Variants in APCDD1 observed in about 807,000 individuals in gnomAD.
APCDD1 encodes protein APCDD1.
A neutral mutation model predicts 38.1 loss-of-function variants in APCDD1; 15 were observed. The observed-to-expected ratio is 0.39, with a 90% CI of 0.26 to 0.61. APCDD1 has a LOEUF of 0.61. Ranked by LOEUF, APCDD1 falls within the 20% of genes least tolerant of loss-of-function variation. The pLI, the probability that APCDD1 is intolerant of heterozygous loss-of-function variation, is 0.49. For synonymous variants in APCDD1, 261 were observed against 279.7 expected (o/e 0.93, Z 0.67); for missense variants, 647 against 696.2 (o/e 0.93, Z 0.79).
Position 10,487,961 on chromosome 18 carries a change from G to C in APCDD1, c.1468G>C (p.Gly490Arg), listed in dbSNP as rs1222498914. Residue 490 changes from glycine to arginine, a missense_variant, in exon 5 of 5, where the codon GGG (glycine) becomes CGG (arginine). By Grantham distance (125) the Gly-to-Arg change is moderately radical. Transcript: ENST00000355285. ...SGSSLYGRAP[G>R]RHTWSLLLAA... ...AAGCAGCCTGTATGGCCGGGCCCCT[G>C]GGAGGCACACCTGGTCCCTGCTGCT... 1 of 1,613,856 alleles carries C rather than the reference G, an allele frequency of 6.2e-7. No homozygotes were observed.
At position 10,485,522 on chromosome 18, in the gene APCDD1, C is replaced by T; in HGVS notation, c.835C>T (p.Pro279Ser). ...IIYRSDEHHP[P>S]ILPPKADLTI... ...CTATCGGTCAGACGAGCACCACCCT[C>T]CCATCCTGCCCCCAAAGGCAGACCT... The change falls in exon 4 of 5, where the codon CCC (proline) becomes TCC (serine). Residue 279 changes from proline (P) to serine (S), a missense_variant. By Grantham distance (74) the Pro-to-Ser change is moderately conservative. Coordinates refer to ENST00000355285, the MANE Select transcript of APCDD1 (RefSeq NM_153000.5). The surrounding 1 kb of genome is among the most constrained non-coding windows in gnomAD (Gnocchi z 5.8). 1 of 1,614,176 alleles carries T rather than the reference C, an allele frequency of 6.2e-7. No individual in the cohort carries two copies. The highest frequency in any genetic ancestry group is 2.2e-5 in the East Asian group (1 of 44,872).
rs2143568257 is a variant in APCDD1, at chr18:10,487,804, G to C, written c.1311G>C (p.Leu437=). The C allele has an allele frequency of 6.2e-7, 1 of 1,614,118 alleles. No homozygotes were observed. Among genetic ancestry groups the C allele is most frequent in the Non-Finnish European group, 8.5e-7 (1 of 1,180,040 alleles). Residue 437 remains leucine (L), a synonymous_variant, in exon 5 of 5, where the codon CTG becomes CTC. Transcript: ENST00000355285. ...AGGATGCCCGGGGGCGCTATCTGCTGTTCAACGGTCAGAGGCCCAGCGACG... is the reference window on the plus strand; with the variant it reads ...AGGATGCCCGGGGGCGCTATCTGCTCTTCAACGGTCAGAGGCCCAGCGACG... ...MEQDARGRYL[L]FNGQRPSDGS... is the part of the protein sequence containing the mutation.
chr18:10,456,362 G>C (rs1188698585), intron 1 of APCDD1, among the ~76,000 whole-genome samples: 1 of 152,100 alleles, frequency 6.6e-6, no homozygotes, highest in Non-Finnish European at 1.5e-5. Context: ...TTTAATCTTT[G>C]GCTGAAACAT....
At chr18:10,458,548 A>G (rs1272992047) in intron 1 of APCDD1, among the ~76,000 whole-genome samples, 7 of 152,228 alleles carry the variant, frequency 4.6e-5, no homozygotes, top group Non-Finnish European at 7.3e-5. Context: ...AACAGGGGCA[A>G]GGGTCTCAGA....
rs515248 is a variant in APCDD1 at position 10,470,984 on chromosome 18, A to G, written c.243-546A>G. Among the ~76,000 whole-genome samples the G allele has an allele frequency of 0.57, 86,451 of 152,158 alleles. 25,244 individuals carry two copies. Among genetic ancestry groups the G allele is most frequent in the East Asian group, 0.71 (3,657 of 5,186 alleles). ...TTCTGAATGGACAAGAAGATGCTAG[A>G]TGACTAGATTCTGTCTCAGGATGAC... On this transcript the variant is annotated intron_variant, in intron 2 of 4. Coordinates refer to ENST00000355285, the MANE Select transcript of APCDD1 (RefSeq NM_153000.5). The surrounding 1 kb of genome is among the most constrained non-coding windows in gnomAD (Gnocchi z 4.1).
intron 1 of APCDD1, among the ~76,000 whole-genome samples, chr18:10,459,409 C>A (rs1434450162): frequency 6.6e-6 from 1 of 152,174 alleles, no homozygotes; most frequent in East Asian, 1.9e-4. Context: ...AACTTTGCAA[C>A]CTCTGGTTCA....
At position 10,472,599 on chromosome 18, in the gene APCDD1, G is replaced by C. The variant is rs540815981; in HGVS notation, c.774+538G>C. Reference sequence around the variant, plus strand: ...ACACTCTTAGGCAGAACAGCCTGCTGAGGTCCCAGGGGTTATGGCTCCTGC... The same window carrying C: ...ACACTCTTAGGCAGAACAGCCTGCTCAGGTCCCAGGGGTTATGGCTCCTGC... On this transcript the variant is annotated intron_variant, in intron 3 of 4. Transcript: ENST00000355285. The surrounding 1 kb of genome is among the most constrained non-coding windows in gnomAD (Gnocchi z 6.6). Among the ~76,000 whole-genome samples, 14 of 152,278 alleles carry C rather than the reference G, an allele frequency of 9.2e-5. No homozygotes were observed. Among genetic ancestry groups the C allele is most frequent in the Non-Finnish European group, 1.6e-4 (11 of 68,024 alleles).
chr18:10,484,385 T>G (rs2031204112), intron 3 of APCDD1, among the ~76,000 whole-genome samples: 1 of 152,242 alleles, frequency 6.6e-6, no homozygotes, highest in Non-Finnish European at 1.5e-5. Flanking sequence ...TTATTTTTCT[T>G]TGTGTCTCCT....
chr18:10,468,691 A>G (rs1265795609), intron 2 of APCDD1, 39 bp downstream of exon 2: 2 of 1,603,024 alleles, frequency 1.2e-6, no homozygotes, highest in Non-Finnish European at 1.7e-6. Flanking sequence ...GCCAGAGAGC[A>G]CACCACTATG....
In APCDD1 at chr18:10,488,537, TAAAGA is replaced by T. The variant is rs1337390191; in HGVS notation, c.*501_*505del. ...CTGTGATCAAGACACCTTTTATTAA[TAAAGA>T]AGAGACACAGGTGTAGATATGTATA... On this transcript the variant is annotated 3_prime_UTR_variant, in exon 5 of 5. Transcript: ENST00000355285. The T allele has an allele frequency of 6.3e-6, 1 of 158,576 alleles. No homozygotes were observed. Among genetic ancestry groups the T allele is most frequent in the African/African-American group, 2.4e-5 (1 of 41,522 alleles). 9.8% of individuals were successfully genotyped at this position (158,576 alleles called of 1,614,324 possible).
chr18:10,456,974 CAT>C (rs1442209291), intron 1 of APCDD1, among the ~76,000 whole-genome samples: 2 of 152,078 alleles, frequency 1.3e-5, no homozygotes, highest in African/African-American at 2.4e-5. Context: ...TGTGTGTACA[CAT>C]ATGTGCATAT....
Position 10,454,735 on chromosome 18 carries a change from G to T in APCDD1, c.-247G>T. The T allele has an allele frequency of 4.1e-6, 4 of 981,798 alleles. No individual in the cohort carries two copies. The highest frequency in any genetic ancestry group is 4.8e-6 in the Non-Finnish European group (4 of 828,710). 60.8% of individuals were successfully genotyped at this position (981,798 alleles called of 1,614,324 possible). ...CGCGGGGCCGGGCGCGGAGAAGTCG[G>T]GGCGGGCGGCAGAGAGGCCGGGACG... is the stretch of plus-strand genomic sequence containing the variant. On this transcript the variant is annotated 5_prime_UTR_variant, in exon 1 of 5. Coordinates refer to ENST00000355285, the MANE Select transcript of APCDD1 (RefSeq NM_153000.5).
rs2030819683 is a variant in APCDD1, at chr18:10,470,292, A to G, written c.243-1238A>G. ...TCATCTAACATGAATCACTGCTTAC[A>G]CTAAACTTCTCTTTCCTTGTGGGAG... On this transcript the variant is annotated intron_variant, in intron 2 of 4. Transcript: ENST00000355285. The surrounding 1 kb of genome is among the most constrained non-coding windows in gnomAD (Gnocchi z 4.1). 6.6e-6 allele frequency among the ~76,000 whole-genome samples: 1 copy of G among 152,182 alleles called. No homozygotes were observed. The highest frequency in any genetic ancestry group is 1.5e-5 in the Non-Finnish European group (1 of 68,012).
At position 10,470,110 on chromosome 18, in the gene APCDD1, G is replaced by A. The variant is rs999228188; in HGVS notation, c.243-1420G>A. On this transcript the variant is annotated intron_variant, in intron 2 of 4. Transcript: ENST00000355285. The surrounding 1 kb of genome is among the most constrained non-coding windows in gnomAD (Gnocchi z 4.1). ...GACCAGTTAAAAGACCTTTGCAGCC[G>A]TTCTGGTTAGAGAGCACAGAGGCTT... Among the ~76,000 whole-genome samples, 9 of 152,204 alleles carry A rather than the reference G, an allele frequency of 5.9e-5. No individual in the cohort carries two copies. The highest frequency in any genetic ancestry group is 2.2e-4 in the African/African-American group (9 of 41,452).
intron 1 of APCDD1, among the ~76,000 whole-genome samples, chr18:10,460,488 G>C (rs941783161): frequency 1.3e-5 from 2 of 150,944 alleles, no homozygotes; most frequent in African/African-American, 4.9e-5. Flanking sequence ...AGCCGAGATC[G>C]TGCCACTGCC....
intron 1 of APCDD1, among the ~76,000 whole-genome samples, chr18:10,455,510 C>A (rs540131182): frequency 6.6e-6 from 1 of 152,204 alleles, no homozygotes; most frequent in African/African-American, 2.4e-5. Context: ...GGGAAAGACA[C>A]GTCTGTCTGC....
intron 1 of APCDD1, among the ~76,000 whole-genome samples, chr18:10,459,262 A>T (rs894191652): frequency 1.3e-5 from 2 of 152,036 alleles, no homozygotes; most frequent in Non-Finnish European, 2.9e-5. Context: ...AGCTGAGTGG[A>T]TGGCACACTG....
rs139988186 is a variant in APCDD1 at position 10,463,933 on chromosome 18, G to A, written c.59-4536G>A. The stretch of plus-strand genomic sequence containing the variant: ...CAGCCTTGGGGTTCTCCATCTGGCC[G>A]CTCACATGGGTGCCCTGGCTGCACT... On this transcript the variant is annotated intron_variant, in intron 1 of 4. Transcript: ENST00000355285. Among the ~76,000 whole-genome samples, 104 of 152,308 alleles carry A rather than the reference G, an allele frequency of 6.8e-4. 2 individuals are homozygous for A. Among genetic ancestry groups the A allele is most frequent in the Admixed American group, 8.5e-4 (13 of 15,310 alleles).
At position 10,488,699 on chromosome 18, in the gene APCDD1, C is replaced by G. The variant is rs2031307791; in HGVS notation, c.*661C>G. ...AATTAAAGTTTCGAAGTAATTTAAC[C>G]TATTTTTACATCATTTGTCTTACCT... On this transcript the variant is annotated 3_prime_UTR_variant, in exon 5 of 5. Coordinates refer to ENST00000355285, the MANE Select transcript of APCDD1 (RefSeq NM_153000.5). 1 of 152,242 alleles carries G rather than the reference C, an allele frequency of 6.6e-6. No individual in the cohort carries two copies. The highest frequency in any genetic ancestry group is 2.1e-4 in the South Asian group (1 of 4,822). The allele number at this position is 152,242 out of a possible 1,614,324, so 9.4% of individuals were successfully genotyped here.
Sources: gnomAD v4.1 joint callset for allele counts (sites outside exome capture counted in the v4.1 genomes callset) on GRCh38, gnomAD v4.1.1 for gene constraint, Gnocchi (gnomAD v3.1) non-coding constraint, MANE v1.5 for transcripts, NCBI Gene and HGNC (gene_info 2026-07-23, HGNC 2026-07-21) for gene names.